ERBB2: variants seen among roughly 807,000 people sequenced by gnomAD.
ERBB2 encodes the protein receptor tyrosine-protein kinase erbB-2.
ERBB2 carries 61 observed loss-of-function variants against 149.0 expected under a neutral mutation model. The ratio of observed to expected loss-of-function variants is 0.41; its 90% CI spans 0.33 to 0.51. The LOEUF (loss-of-function observed/expected upper bound fraction) is 0.51, where lower values mean the gene tolerates loss of function less well. Among genes scored for constraint, ERBB2 ranks in the 20% least tolerant of loss-of-function variants. The pLI is 0.25. For synonymous variants in ERBB2, 633 were observed against 678.8 expected (o/e 0.93, Z 1.05); for missense variants, 1,205 against 1,655.1 (o/e 0.73, Z 4.72).
rs981013259 is a variant in ERBB2, at chr17:39,723,856, G to A, written c.2209-56G>A. 1 of 1,536,018 alleles carries A rather than the reference G, an allele frequency of 6.5e-7. No homozygotes were observed. The highest frequency in any genetic ancestry group is 1.4e-5 in the African/African-American group (1 of 73,546). On this transcript the variant is annotated intron_variant, in intron 18 of 26. Coordinates refer to ENST00000269571, the MANE Select transcript of ERBB2 (RefSeq NM_004448.4). This position sits in a 1 kb window ranked among gnomAD's most constrained non-coding sequence, Gnocchi z 6.2. ...GAGGACAAGTAATGATCTCCTGGAA[G>A]GCAGGTAGGATCCAGCCCACGCTCT... is the stretch of plus-strand genomic sequence containing the variant.
At chr17:39,690,600 T>C (rs1007750971), upstream of ERBB2, among the ~76,000 whole-genome samples, 5 of 152,112 alleles carry the variant, frequency 3.3e-5, no homozygotes, top group African/African-American at 7.2e-5. Flanking sequence ...CTCTTGAGAA[T>C]TTCCCTGCCA....
At position 39,725,363 on chromosome 17, in the gene ERBB2, C is replaced by T. The variant is rs758222990; in HGVS notation, c.2686C>T (p.Arg896Cys). ...IKWMALESILRRRFTHQSDVW... is the reference protein window; with the variant it reads ...IKWMALESILCRRFTHQSDVW... ...GTGGATGGCGCTGGAGTCCATTCTC[C>T]GCCGGCGGTTCACCCACCAGAGTGA... Residue 896 changes from arginine to cysteine, a missense_variant, in exon 22 of 27, where the codon CGC becomes TGC. Around this residue, in one of 6 missense-constraint regions of ERBB2, gnomAD observed 152 missense variants for 318.1 expected, o/e 0.48. Transcript: ENST00000269571. The surrounding 1 kb of genome is among the most constrained non-coding windows in gnomAD (Gnocchi z 4.6). 15 of 1,613,664 alleles carry T rather than the reference C, an allele frequency of 9.3e-6. No individual in the cohort carries two copies. The highest frequency in any genetic ancestry group is 4.0e-5 in the African/African-American group (3 of 74,772).
At chr17:39,707,275 T>C in intron 2 of ERBB2, 134 bp downstream of exon 2, 1 of 740,116 alleles carries the variant, frequency 1.4e-6, no homozygotes, top group Non-Finnish European at 2.1e-6. Flanking sequence ...CAGGAAGTCC[T>C]TTCTAACATC....
intron 1 of ERBB2, chr17:39,706,713 C>T (rs4252608): frequency 0.05 from 16,078 of 324,560 alleles, 1,161 homozygotes; most frequent in African/African-American, 0.21. Context: ...TACTGGCGGG[C>T]GAGCTCCCCA....
Position 39,727,222 on chromosome 17 carries a change from C to T in ERBB2, c.3160-73C>T, listed in dbSNP as rs2143215361. 1 of 1,556,474 alleles carries T rather than the reference C, an allele frequency of 6.4e-7. No individual in the cohort carries two copies. Among genetic ancestry groups the T allele is most frequent in the Non-Finnish European group, 8.8e-7 (1 of 1,142,614 alleles). On this transcript the variant is annotated intron_variant, in intron 25 of 26. Transcript: ENST00000269571. This position sits in a 1 kb window ranked among gnomAD's most constrained non-coding sequence, Gnocchi z 4.3. ...TGACCTCTGTTTTTCTCCTGTGACC[C>T]TGTCACCTTCCATGGAGTCCCCATC...
At chr17:39,691,742 A>G (rs961374395), upstream of ERBB2, among the ~76,000 whole-genome samples, 12 of 148,962 alleles carry the variant, frequency 8.1e-5, no homozygotes, top group Non-Finnish European at 1.3e-4. Context: ...AAAGGAAACA[A>G]CTAAATGTCC....
In ERBB2 at chr17:39,727,004, G is replaced by A. The variant is rs2059803693; in HGVS notation, c.3159+1G>A. The A allele has an allele frequency of 1.3e-6, 2 of 1,591,224 alleles. No individual in the cohort carries two copies. The highest frequency in any genetic ancestry group is 1.7e-6 in the Non-Finnish European group (2 of 1,169,966). On this transcript the variant is annotated splice_donor_variant, in intron 25 of 26. Transcript: ENST00000269571. LOFTEE classifies it high-confidence loss of function. This position sits in a 1 kb window ranked among gnomAD's most constrained non-coding sequence, Gnocchi z 4.3. ...CAGGCACCGCAGCTCATCTACCAGG[G>A]TCAGTGCCCTCGGTCACACTGTGTG...
In ERBB2 at chr17:39,725,041, C is replaced by T. The variant is rs1204985689; in HGVS notation, c.2494-8C>T. On this transcript the variant is annotated splice_region_variant and splice_polypyrimidine_tract_variant and intron_variant, in intron 20 of 26. Coordinates refer to ENST00000269571, the MANE Select transcript of ERBB2 (RefSeq NM_004448.4). This position sits in a 1 kb window ranked among gnomAD's most constrained non-coding sequence, Gnocchi z 4.6. ...CCAGAAGGTCTACATGGGTGCTTCC[C>T]ATTCCAGGGGATGAGCTACCTGGAG... 1 of 1,614,022 alleles carries T rather than the reference C, an allele frequency of 6.2e-7. No homozygotes were observed. Among genetic ancestry groups the T allele is most frequent in the African/African-American group, 1.3e-5 (1 of 74,922 alleles).
In ERBB2 at chr17:39,716,352, G is replaced by A. The variant is rs561322621; in HGVS notation, c.1565G>A (p.Gly522Asp). ...HQLCARGHCW[G>D]PGPTQCVNCS... ...CTGTGCGCCCGAGGGCACTGCTGGGGTCCAGGGCCCACCCAGTGTGTCAAC... is the reference window on the plus strand; with the variant it reads ...CTGTGCGCCCGAGGGCACTGCTGGGATCCAGGGCCCACCCAGTGTGTCAAC... Residue 522 changes from glycine (G) to aspartate (D), a missense_variant, in exon 13 of 27, where the codon GGT (glycine) becomes GAT (aspartate). Physicochemically the swap from Gly to Asp is moderately conservative, Grantham distance 94 (BLOSUM62 -1). This residue lies in a region of ERBB2 where 569 missense variants were observed against 803.5 expected (regional missense o/e 0.71). Transcript: ENST00000269571. 1 of 1,608,900 alleles carries A rather than the reference G, an allele frequency of 6.2e-7. No homozygotes were observed. Among genetic ancestry groups the A allele is most frequent in the Non-Finnish European group, 8.5e-7 (1 of 1,177,868 alleles).
chr17:39,725,528 C>G lies in ERBB2; in HGVS notation c.2725+126C>G, dbSNP rs1163444263. The G allele has an allele frequency of 8.9e-6, 11 of 1,239,914 alleles. No individual in the cohort carries two copies. The Admixed American group carries it at 2.2e-4, about 24-fold the overall frequency. The allele number at this position is 1,239,914 out of a possible 1,614,324, so 76.8% of individuals were successfully genotyped here. A position where few individuals can be genotyped will look rare whatever the true frequency, so the allele number is the denominator to read the frequency against. ...AAGGGAGGGAAGGGGCTGCCTGTGC[C>G]CCACCTTGCAGGGTCTGTGCACTTC... is the stretch of plus-strand genomic sequence containing the variant. On this transcript the variant is annotated intron_variant, in intron 22 of 26. Coordinates refer to ENST00000269571, the MANE Select transcript of ERBB2 (RefSeq NM_004448.4). This position sits in a 1 kb window ranked among gnomAD's most constrained non-coding sequence, Gnocchi z 4.6.
At chr17:39,688,430 C>T (rs2057610311) in intron 1 of ERBB2, among the ~76,000 whole-genome samples, 1 of 152,214 alleles carries the variant, frequency 6.6e-6, no homozygotes, top group East Asian at 1.9e-4. Flanking sequence ...TAATGGCTCT[C>T]CCTGCCTCTA....
Position 39,701,848 on chromosome 17 carries a change from G to A in ERBB2, c.73+1537G>A, listed in dbSNP as rs1351010291. ...AGGAAGAAGGTTCCTCTCTTCCAGG[G>A]AGTACATCCTTGCCCTCCCTGTTTC... On this transcript the variant is annotated intron_variant, in intron 1 of 26. Coordinates refer to ENST00000269571, the MANE Select transcript of ERBB2 (RefSeq NM_004448.4). 2.0e-5 allele frequency among the ~76,000 whole-genome samples: 3 copies of A among 152,272 alleles called. No homozygotes were observed. In the East Asian group the frequency reaches 5.8e-4, roughly 29 times the overall value.
At chr17:39,715,227 G>GC (rs1282012120) in intron 9 of ERBB2, 59 bp from the exon 10 acceptor site, 1 of 1,441,042 alleles carries the variant, frequency 6.9e-7, no homozygotes, top group Non-Finnish European at 9.7e-7. Flanking sequence ...CATGGCCAGT[G>GC]CTGGGAGTGA....
chr17:39,714,142 G>A (rs1257256998), intron 9 of ERBB2, among the ~76,000 whole-genome samples: 2 of 151,814 alleles, frequency 1.3e-5, no homozygotes, highest in Admixed American at 1.3e-4. Context: ...TTAACAGTGT[G>A]TGTGTTCACC....
chr17:39,692,892 A>G (rs992006116), upstream of ERBB2, among the ~76,000 whole-genome samples: 1 of 151,886 alleles, frequency 6.6e-6, no homozygotes. Context: ...GTGAAAACTC[A>G]TCTCTACAAA....
intron 1 of ERBB2, chr17:39,688,397 C>A (rs1035258188): frequency 1.1e-5 from 2 of 180,522 alleles, no homozygotes; most frequent in Non-Finnish European, 2.3e-5. Context: ...TCATGTGTCG[C>A]CAAGACAGCC....
chr17:39,708,767 G>T (rs903389275), intron 3 of ERBB2, among the ~76,000 whole-genome samples: 8 of 152,172 alleles, frequency 5.3e-5, no homozygotes, highest in African/African-American at 1.4e-4. Flanking sequence ...CTGGGTTTTT[G>T]CCCCCACTTG....
rs2145440423 is a variant in ERBB2, at chr17:39,708,401, G to A, written c.306G>A (p.Val102=). The part of the protein sequence containing the change: ...RQVPLQRLRI[V]RGTQLFEDNY... ...TCCCACTGCAGAGGCTGCGGATTGTGCGAGGCACCCAGCTCTTTGAGGACA... is the reference window on the plus strand; with the variant it reads ...TCCCACTGCAGAGGCTGCGGATTGTACGAGGCACCCAGCTCTTTGAGGACA... Residue 102 remains valine (V), a synonymous_variant, in exon 3 of 27, where the codon GTG becomes GTA. Coordinates refer to ENST00000269571, the MANE Select transcript of ERBB2 (RefSeq NM_004448.4). 1 of 1,614,230 alleles carries A rather than the reference G, an allele frequency of 6.2e-7. No individual in the cohort carries two copies.
chr17:39,724,777 GGC>G lies in ERBB2; in HGVS notation c.2360_2361del (p.Gly787AspfsTer86). On this transcript the variant is annotated frameshift_variant, in exon 20 of 27. Transcript: ENST00000269571. LOFTEE classifies it high-confidence loss of function. ...CTCCCCATATGTCTCCCGCCTTCTGGGCATCTGCCTGACATCCACGGTGCAGC... is the reference window on the plus strand; with the variant it reads ...CTCCCCATATGTCTCCCGCCTTCTGGATCTGCCTGACATCCACGGTGCAGC... ...VGSPYVSRLL[G>X]ICLTSTVQLV... The G allele has an allele frequency of 6.2e-7, 1 of 1,614,144 alleles. No individual in the cohort carries two copies. The highest frequency in any genetic ancestry group is 8.5e-7 in the Non-Finnish European group (1 of 1,180,034).
Sources: gnomAD v4.1 joint callset for allele counts (sites outside exome capture counted in the v4.1 genomes callset) on GRCh38, gnomAD v4.1.1 for gene constraint, gnomAD v4.1.1 regional missense constraint, Gnocchi (gnomAD v3.1) non-coding constraint, MANE v1.5 for transcripts, NCBI Gene and HGNC (gene_info 2026-07-23, HGNC 2026-07-21) for gene names.